Variants in CCDC3 observed in about 807,000 individuals in gnomAD.
The protein encoded by CCDC3 is coiled-coil domain containing 3.
CCDC3 carries 24 observed loss-of-function variants against 21.4 expected under a neutral mutation model. The ratio of observed to expected loss-of-function variants is 1.12; its 90% CI spans 0.81 to 1.58. The LOEUF (loss-of-function observed/expected upper bound fraction) is 1.58, where lower values mean the gene tolerates loss of function less well. CCDC3 is among the 40% of genes most tolerant of loss of function. CCDC3 has a pLI of 0.00. For synonymous variants in CCDC3, 186 were observed against 166.0 expected (o/e 1.12, Z -0.93); for missense variants, 425 against 360.9 (o/e 1.18, Z -1.44).
In CCDC3 at chr10:12,941,772, G is replaced by A. The variant is rs150268358; in HGVS notation, c.550-43093C>T. On this transcript the variant is annotated intron_variant, in intron 2 of 2. Transcript: ENST00000378825. ...GCCAAGTTAGTCTCCAAAATATGCCGCTTTGGCATAAGGATTATTTCTAGC... is the reference window on the plus strand; with the variant it reads ...GCCAAGTTAGTCTCCAAAATATGCCACTTTGGCATAAGGATTATTTCTAGC... Among the ~76,000 whole-genome samples the A allele has an allele frequency of 1.1e-3, 165 of 152,248 alleles. 1 individual carries two copies. Among genetic ancestry groups the A allele is most frequent in the African/African-American group, 3.4e-3 (141 of 41,534 alleles).
intron 2 of CCDC3, among the ~76,000 whole-genome samples, chr10:12,946,059 G>C (rs530012073): frequency 4.6e-5 from 7 of 152,308 alleles, no homozygotes; most frequent in African/African-American, 1.4e-4. Flanking sequence ...CATCATAGTA[G>C]TATCTCTAGG....
At chr10:12,977,435 T>C (rs661710) in intron 2 of CCDC3, among the ~76,000 whole-genome samples, 81,081 of 151,942 alleles carry the variant, frequency 0.53, 21,714 homozygotes, top group South Asian at 0.59. Flanking sequence ...TCCATAAACT[T>C]CTCAAAGGAA....
rs1383175816 is a variant in CCDC3, at chr10:13,029,401, T to C, written c.-2+20273A>G. Among the ~76,000 whole-genome samples the C allele has an allele frequency of 2.6e-5, 4 of 152,116 alleles. No homozygotes were observed. In the East Asian group the frequency reaches 5.8e-4, roughly 22 times the overall value. Reference sequence around the variant, plus strand: ...TGGGGAGAAACCAGAGCAGAAAAGCTGAAAATTCTAAAAACCGGAACGCCT... The same window carrying C: ...TGGGGAGAAACCAGAGCAGAAAAGCCGAAAATTCTAAAAACCGGAACGCCT... On this transcript the variant is annotated intron_variant, in intron 5 of 6. Transcript: ENST00000378839.
intron 2 of CCDC3, among the ~76,000 whole-genome samples, chr10:12,968,243 C>T (rs943460499): frequency 1.5e-5 from 2 of 132,150 alleles, no homozygotes; most frequent in African/African-American, 2.6e-5. Context: ...CTAAAAGGAA[C>T]AAGAGAAAAC....
intron 2 of CCDC3, among the ~76,000 whole-genome samples, chr10:12,931,430 C>G (rs1371403469): frequency 6.6e-6 from 1 of 152,200 alleles, no homozygotes; most frequent in Non-Finnish European, 1.5e-5. Flanking sequence ...GTTTCCCAAA[C>G]TTCCTTGTAT....
At chr10:13,085,221 T>C (rs900744347) in intron 3 of CCDC3, among the ~76,000 whole-genome samples, 2 of 152,120 alleles carry the variant, frequency 1.3e-5, no homozygotes, top group Non-Finnish European at 2.9e-5. Flanking sequence ...CAAGGGAATA[T>C]TGAGTGAGCG....
chr10:12,966,373 C>A (rs2131261067), intron 2 of CCDC3, among the ~76,000 whole-genome samples: 1 of 152,188 alleles, frequency 6.6e-6, no homozygotes, highest in Non-Finnish European at 1.5e-5. Flanking sequence ...CTCCCTTCCC[C>A]AGCCTGCTAG....
At chr10:13,069,068 C>T (rs965131052) in intron 4 of CCDC3, among the ~76,000 whole-genome samples, 1 of 152,166 alleles carries the variant, frequency 6.6e-6, no homozygotes, top group Admixed American at 6.5e-5. Context: ...CCAGCCTGAC[C>T]AACATGGAGA....
chr10:12,963,579 GTTTTT>G (rs10588443), intron 2 of CCDC3, among the ~76,000 whole-genome samples: 9 of 90,110 alleles, frequency 1.0e-4, no homozygotes, highest in African/African-American at 2.5e-4. Context: ...TGTTTTCCGG[GTTTTT>G]TTTTTTTTTT....
chr10:12,941,728 T>C (rs1834834596), intron 2 of CCDC3, among the ~76,000 whole-genome samples: 1 of 152,184 alleles, frequency 6.6e-6, no homozygotes, highest in Non-Finnish European at 1.5e-5. Flanking sequence ...ACAAACTGGG[T>C]TGGGAAACCA....
At chr10:13,061,270 A>G (rs1468347638) in intron 4 of CCDC3, among the ~76,000 whole-genome samples, 1 of 152,192 alleles carries the variant, frequency 6.6e-6, no homozygotes, top group Non-Finnish European at 1.5e-5. Flanking sequence ...TCCTCACAGA[A>G]CTGCTGTTAC....
At chr10:12,914,608 T>C (rs7911040) in intron 2 of CCDC3, among the ~76,000 whole-genome samples, 151,694 of 152,122 alleles carry the variant, frequency 1, 75,635 homozygotes, top group Non-Finnish European at 1. Context: ...CCATGCCTGG[T>C]TAATTTTTTG....
At chr10:13,089,019 A>AT (rs532412085) in intron 3 of CCDC3, among the ~76,000 whole-genome samples, 2,950 of 151,794 alleles carry the variant, frequency 0.019, 89 homozygotes, top group South Asian at 0.099. Context: ...AAAAAAAAAA[A>AT]AAATAAAAGA....
chr10:13,062,656 AGTT>A (rs1836771632), intron 4 of CCDC3, among the ~76,000 whole-genome samples: 1 of 152,132 alleles, frequency 6.6e-6, no homozygotes, highest in African/African-American at 2.4e-5. Flanking sequence ...GGAGAAACTT[AGTT>A]TATGGTTTAA....
At chr10:13,046,185 T>A (rs1406478644) in intron 5 of CCDC3, among the ~76,000 whole-genome samples, 1 of 151,952 alleles carries the variant, frequency 6.6e-6, no homozygotes, top group Non-Finnish European at 1.5e-5. Flanking sequence ...GCAGGAGGAT[T>A]GCTTCAGCCC....
Position 12,901,498 on chromosome 10 carries a change from T to C in CCDC3, c.550-2819A>G, listed in dbSNP as rs967023667. 9.2e-5 allele frequency among the ~76,000 whole-genome samples: 14 copies of C among 152,018 alleles called. 1 individual carries two copies. Among genetic ancestry groups the C allele is most frequent in the African/African-American group, 3.4e-4 (14 of 41,390 alleles). ...CCATATTGGCCAGGATGGTCTCGAT[T>C]TCCTGACCTCGTGATCTGCCCGCCT... On this transcript the variant is annotated intron_variant, in intron 2 of 2. Transcript: ENST00000378825.
intron 2 of CCDC3, among the ~76,000 whole-genome samples, chr10:12,918,877 C>A (rs1834400869): frequency 6.6e-6 from 1 of 152,042 alleles, no homozygotes; most frequent in Non-Finnish European, 1.5e-5. Flanking sequence ...CACGGTGAAA[C>A]CCCATCTCTA....
intron 5 of CCDC3, among the ~76,000 whole-genome samples, chr10:13,029,635 G>A (rs548865602): frequency 2.0e-5 from 3 of 152,252 alleles, no homozygotes; most frequent in Non-Finnish European, 2.9e-5. Context: ...ACAGCATAGA[G>A]AAGACCCTAA....
At chr10:12,995,515 T>A (rs748797893) in intron 2 of CCDC3, among the ~76,000 whole-genome samples, 2 of 152,210 alleles carry the variant, frequency 1.3e-5, no homozygotes, top group Non-Finnish European at 2.9e-5. Flanking sequence ...GTGCTGGGAA[T>A]ACAGGCGTGA....
Sources: allele counts gnomAD v4.1 joint callset (sites outside exome capture counted in the v4.1 genomes callset), GRCh38; gene constraint gnomAD v4.1.1; transcripts MANE v1.5; gene names NCBI Gene and HGNC (gene_info 2026-07-23, HGNC 2026-07-21).